PRKG1: variants seen among roughly 807,000 people sequenced by gnomAD.
The protein encoded by PRKG1 is cGMP-dependent protein kinase 1.
Under a neutral mutation model 88.1 loss-of-function variants are expected in PRKG1, and 35 were observed. The observed-to-expected ratio is 0.40, with a 90% CI of 0.30 to 0.53. The LOEUF (loss-of-function observed/expected upper bound fraction) is 0.53, where lower values mean the gene tolerates loss of function less well. Among genes scored for constraint, PRKG1 ranks in the 20% least tolerant of loss-of-function variants. The pLI is 0.59. For missense variants in PRKG1, 540 were observed against 839.8 expected (o/e 0.64, Z 4.41); for synonymous variants, 303 against 292.5 (o/e 1.04, Z -0.37).
chr10:51,700,774 AT>A (rs1349798040), intron 3 of PRKG1, among the ~76,000 whole-genome samples: 4 of 152,212 alleles, frequency 2.6e-5, no homozygotes, highest in Non-Finnish European at 5.9e-5. Context: ...TTTAAATCTC[AT>A]TTTTTATTTA....
At chr10:52,194,623 T>C (rs918034155) in intron 9 of PRKG1, among the ~76,000 whole-genome samples, 5 of 152,156 alleles carry the variant, frequency 3.3e-5, no homozygotes, top group African/African-American at 1.2e-4. Context: ...GTTTTAACAA[T>C]GTGAAGCTAA....
intron 1 of PRKG1, among the ~76,000 whole-genome samples, chr10:51,068,775 A>G (rs1303357781): frequency 6.6e-6 from 1 of 152,034 alleles, no homozygotes; most frequent in Non-Finnish European, 1.5e-5. Flanking sequence ...ATACCAGAAG[A>G]ATCACTGAAA....
chr10:51,441,245 A>C (rs1839096065), intron 2 of PRKG1, among the ~76,000 whole-genome samples: 1 of 151,916 alleles, frequency 6.6e-6, no homozygotes, highest in Non-Finnish European at 1.5e-5. Context: ...TCTCAATTTT[A>C]TGTTTAGTCA....
chr10:51,525,102 T>C (rs768983991), intron 3 of PRKG1, among the ~76,000 whole-genome samples: 3 of 150,824 alleles, frequency 2.0e-5, no homozygotes, highest in Non-Finnish European at 4.4e-5. Context: ...GATGAGAGAA[T>C]GTGGTGCATG....
chr10:51,363,498 G>T (rs533681563), intron 2 of PRKG1, among the ~76,000 whole-genome samples: 1 of 152,106 alleles, frequency 6.6e-6, no homozygotes, highest in South Asian at 2.1e-4. Flanking sequence ...GGAACAAGAA[G>T]GGGGAAGTGA....
At chr10:51,931,718 G>A (rs1842699984) in intron 5 of PRKG1, among the ~76,000 whole-genome samples, 1 of 151,934 alleles carries the variant, frequency 6.6e-6, no homozygotes, top group South Asian at 2.1e-4. Context: ...AGATCCAGAG[G>A]GAATCAAGAA....
chr10:51,920,532 A>G (rs73335455), intron 5 of PRKG1, among the ~76,000 whole-genome samples: 2,871 of 152,226 alleles, frequency 0.019, 79 homozygotes, highest in African/African-American at 0.064. Flanking sequence ...TACAGAATAG[A>G]GATAGTGATC....
chr10:51,846,108 G>A (rs1399824318), intron 4 of PRKG1, among the ~76,000 whole-genome samples: 1 of 152,144 alleles, frequency 6.6e-6, no homozygotes, highest in Non-Finnish European at 1.5e-5. Context: ...CAGATGTTTA[G>A]ATGTTAAAGA....
At chr10:51,253,902 G>A (rs1269158571) in intron 2 of PRKG1, among the ~76,000 whole-genome samples, 2 of 151,940 alleles carry the variant, frequency 1.3e-5, no homozygotes, top group African/African-American at 2.4e-5. Context: ...GATATCAACA[G>A]TTGCATATTG....
chr10:51,687,794 T>C (rs771282941), intron 3 of PRKG1, among the ~76,000 whole-genome samples: 4 of 152,136 alleles, frequency 2.6e-5, no homozygotes, highest in Non-Finnish European at 5.9e-5. Context: ...TACAACTTCT[T>C]CTCCATATCT....
At chr10:51,193,589 A>T (rs892865138) in intron 2 of PRKG1, among the ~76,000 whole-genome samples, 6 of 152,036 alleles carry the variant, frequency 3.9e-5, no homozygotes, top group African/African-American at 1.4e-4. Context: ...GAGCTCCTGT[A>T]TGAAATGTTT....
intron 4 of PRKG1, among the ~76,000 whole-genome samples, chr10:51,857,636 T>A (rs888945183): frequency 6.6e-6 from 1 of 152,188 alleles, no homozygotes; most frequent in Non-Finnish European, 1.5e-5. Flanking sequence ...TTGCGTGTTA[T>A]TTTATTTTAT....
chr10:51,580,890 A>G (rs1838014858), intron 3 of PRKG1, among the ~76,000 whole-genome samples: 1 of 152,000 alleles, frequency 6.6e-6, no homozygotes, highest in South Asian at 2.1e-4. Flanking sequence ...CTTCCTTAGT[A>G]TTTATTGCGG....
In PRKG1 at chr10:52,062,715, G is replaced by A. The variant is rs1225030381; in HGVS notation, c.935+84G>A. On this transcript the variant is annotated intron_variant, in intron 7 of 17. Coordinates refer to ENST00000373980, the MANE Select transcript of PRKG1 (RefSeq NM_006258.4). ...AAATTTTGAGCTCCTAGCACAATAG[G>A]CTTTTTATTTAGTGCTTATCTCAAT... is the stretch of plus-strand genomic sequence containing the variant. 4 of 979,974 alleles carry A rather than the reference G, an allele frequency of 4.1e-6. No homozygotes were observed. In the East Asian group the frequency reaches 9.6e-5, roughly 23 times the overall value. The allele number at this position is 979,974 out of a possible 1,614,324, so 60.7% of individuals were successfully genotyped here.
chr10:51,324,949 T>C (rs1564447024), intron 2 of PRKG1, among the ~76,000 whole-genome samples: 1 of 152,194 alleles, frequency 6.6e-6, no homozygotes, highest in Non-Finnish European at 1.5e-5. Context: ...TTTTGAGGAA[T>C]CGCCATAATG....
chr10:52,140,916 C>T (rs1014411519), intron 8 of PRKG1, among the ~76,000 whole-genome samples: 3 of 152,068 alleles, frequency 2.0e-5, no homozygotes, highest in African/African-American at 7.2e-5. Context: ...TCACATCGCC[C>T]GTTGTCACAT....
chr10:52,034,204 G>C (rs1329752969), intron 5 of PRKG1, among the ~76,000 whole-genome samples: 10 of 151,972 alleles, frequency 6.6e-5, no homozygotes, highest in African/African-American at 2.4e-4. Context: ...TCAGAGGCCT[G>C]ACATTCCTGC....
At chr10:51,740,214 C>T (rs1167394953) in intron 3 of PRKG1, among the ~76,000 whole-genome samples, 1 of 152,036 alleles carries the variant, frequency 6.6e-6, no homozygotes, top group Non-Finnish European at 1.5e-5. Context: ...TTTGTAGAGA[C>T]AGGTTTTTTC....
intron 3 of PRKG1, among the ~76,000 whole-genome samples, chr10:51,628,725 C>T (rs898754700): frequency 1.3e-5 from 2 of 150,614 alleles, no homozygotes; most frequent in African/African-American, 4.9e-5. Context: ...TTTGGGAGGC[C>T]GAGGCGGGTG....
Sources: allele counts gnomAD v4.1 joint callset (sites outside exome capture counted in the v4.1 genomes callset), GRCh38; gene constraint gnomAD v4.1.1; transcripts MANE v1.5; gene names NCBI Gene and HGNC (gene_info 2026-07-23, HGNC 2026-07-21).